Variants in SYNE2 observed in about 807,000 individuals in gnomAD.
SYNE2 encodes nesprin-2.
SYNE2 carries 431 observed loss-of-function variants against 856.3 expected under a neutral mutation model. That is an observed-to-expected ratio of 0.50 (90% confidence interval 0.47 to 0.55). The LOEUF (loss-of-function observed/expected upper bound fraction) is 0.55. Among genes scored for constraint, SYNE2 ranks in the 20% least tolerant of loss-of-function variants. The pLI, the probability that SYNE2 is intolerant of heterozygous loss-of-function variation, is 0.00. For synonymous variants in SYNE2, 2,923 were observed against 2,872.3 expected, an observed-to-expected ratio of 1.02 and a Z score of -0.56; for missense variants, 8,129 against 8,023.2, an observed-to-expected ratio of 1.01 and a Z score of -0.50.
At chr14:64,048,227 C>A (rs2097199922) in intron 46 of SYNE2, 72 bp downstream of exon 46, 2 of 1,505,352 alleles carry the variant, frequency 1.3e-6, no homozygotes, top group Non-Finnish European at 9.1e-7. Flanking sequence ...ATTTTAATTG[C>A]CAAAAACTTG....
chr14:63,968,792 G>A (rs924537744), intron 11 of SYNE2, among the ~76,000 whole-genome samples: 5 of 152,164 alleles, frequency 3.3e-5, no homozygotes, highest in Admixed American at 3.3e-4. Flanking sequence ...ACACATCTTG[G>A]AGAATGGGAT....
chr14:63,853,465 G>C (rs1327487422), intron 1 of SYNE2, among the ~76,000 whole-genome samples: 1 of 151,678 alleles, frequency 6.6e-6, no homozygotes, highest in Non-Finnish European at 1.5e-5. Flanking sequence ...GGTCCGCCCG[G>C]CTCGGGCAGG....
chr14:63,811,550 A>G (rs766019121), intron 1 of SYNE2, among the ~76,000 whole-genome samples: 5 of 152,230 alleles, frequency 3.3e-5, no homozygotes, highest in Non-Finnish European at 5.9e-5. Flanking sequence ...GGAATGAGCC[A>G]CTGCACCCAG....
Position 63,819,425 on chromosome 14 carries a change from T to C in SYNE2, c.-304-33076T>C, listed in dbSNP as rs549071025. ...TTTTGTATTTTTAGTAGAGATGGGG[T>C]TTCACCATGTTGGCTGGGCTGGTCT... On this transcript the variant is annotated intron_variant, in intron 1 of 23. Coordinates refer to the SYNE2 transcript ENST00000674003. Among the ~76,000 whole-genome samples the C allele has an allele frequency of 3.9e-5, 6 of 151,974 alleles. No homozygotes were observed. The East Asian group carries it at 7.7e-4, about 20-fold the overall frequency.
In SYNE2 at chr14:63,815,159, C is replaced by CATAT. The variant is rs200196902; in HGVS notation, c.-304-37337_-304-37334dup. On this transcript the variant is annotated intron_variant, in intron 1 of 23. Transcript: ENST00000674003. ...ATCCATATATATACACATATATATC[C>CATAT]ATATATATCCACATATATATCCATA... 2.8e-5 allele frequency among the ~76,000 whole-genome samples: 2 copies of CATAT among 70,804 alleles called. 1 individual carries two copies. The highest frequency in any genetic ancestry group is 5.1e-5 in the Non-Finnish European group (2 of 39,066). The allele number at this position is 70,804 out of a possible 152,430, so 46.5% of individuals were successfully genotyped here.
intron 8 of SYNE2, 145 bp downstream of exon 8, chr14:63,955,060 C>G (rs1280848590): frequency 1.4e-6 from 1 of 700,226 alleles, no homozygotes; most frequent in African/African-American, 1.8e-5. Context: ...GAATTTGATG[C>G]AATCAAACAA....
At chr14:63,841,546 A>G (rs970797076) in intron 1 of SYNE2, among the ~76,000 whole-genome samples, 8 of 152,162 alleles carry the variant, frequency 5.3e-5, no homozygotes, top group African/African-American at 1.4e-4. Context: ...GTAAGGTTAT[A>G]TGTAGTTTTG....
intron 1 of SYNE2, among the ~76,000 whole-genome samples, chr14:63,815,205 C>CGATATATATATGGATATATAT (rs1555341285): frequency 1.1e-5 from 1 of 94,612 alleles, no homozygotes; most frequent in African/African-American, 3.7e-5. Context: ...TATATATATC[C>CGATATATATATGGATATATAT]ATATATATAT....
intron 1 of SYNE2, among the ~76,000 whole-genome samples, chr14:63,809,224 TA>T (rs879683923): frequency 1.8e-3 from 260 of 145,546 alleles, no homozygotes; most frequent in Admixed American, 2.1e-3. Context: ...GTTCTACGTT[TA>T]AAAAAAAAAA....
At position 63,880,527 on chromosome 14, in the gene SYNE2, CTATTTT is replaced by C. The variant is rs149447102; in HGVS notation, c.-52+27398_-52+27403del. ...TTCTATGTTATATCAACTACCACAA[CTATTTT>C]TATTTTTATTTTTGTACTTTATCTT... is the stretch of plus-strand genomic sequence containing the variant. On this transcript the variant is annotated intron_variant, in intron 1 of 115. Coordinates refer to ENST00000555002, the MANE Select transcript of SYNE2 (RefSeq NM_182914.3). Among the ~76,000 whole-genome samples, 795 of 152,096 alleles carry C rather than the reference CTATTTT, an allele frequency of 5.2e-3. 3 individuals carry two copies. Among genetic ancestry groups the C allele is most frequent in the African/African-American group, 0.018 (745 of 41,512 alleles).
chr14:63,943,637 G>A (rs1158000228), intron 6 of SYNE2, among the ~76,000 whole-genome samples: 1 of 150,348 alleles, frequency 6.7e-6, no homozygotes, highest in Admixed American at 6.7e-5. Context: ...AATTGTATCT[G>A]TGTTTTATTT....
chr14:63,938,242 G>A (rs970390066), intron 2 of SYNE2, among the ~76,000 whole-genome samples: 4 of 152,082 alleles, frequency 2.6e-5, no homozygotes, highest in Non-Finnish European at 4.4e-5. Context: ...GATTGCTTGA[G>A]CCTAGGAGTT....
In SYNE2 at chr14:64,146,136, C is replaced by T. The variant is rs201334658; in HGVS notation, c.15552C>T (p.Asn5184=). The T allele has an allele frequency of 5.8e-5, 93 of 1,610,400 alleles. No homozygotes were observed. The highest frequency in any genetic ancestry group is 6.7e-5 in the Admixed American group (4 of 59,422). The change falls in exon 84 of 116, where the codon AAC becomes AAT. Residue 5184 remains asparagine (N), a synonymous_variant. Transcript: ENST00000555002. ...AAAATAAAATACAGATCTTGAACAA[C>T]TGGCTGGAAGCACAAGAAGAGAGAC... ...ESENKIQILN[N]WLEAQEERLK...
chr14:63,888,193 A>G (rs1364983404), intron 1 of SYNE2, among the ~76,000 whole-genome samples: 1 of 152,210 alleles, frequency 6.6e-6, no homozygotes, highest in Non-Finnish European at 1.5e-5. Flanking sequence ...TTGGGACAGA[A>G]TGAGGGCCCA....
upstream of SYNE2, among the ~76,000 whole-genome samples, chr14:63,850,583 CA>C (rs1595172290): frequency 9.9e-6 from 1 of 101,470 alleles, no homozygotes; most frequent in Admixed American, 1.1e-4. Context: ...ATTTGATTAT[CA>C]CTTCAAAGTA....
chr14:64,130,894 A>AAG (rs1555501698), intron 76 of SYNE2, among the ~76,000 whole-genome samples: 1 of 151,948 alleles, frequency 6.6e-6, no homozygotes, highest in African/African-American at 2.4e-5. Flanking sequence ...AAAAAAAAAA[A>AAG]AAAAAGAAGA....
chr14:64,121,611 ACT>A (rs2097899260), intron 68 of SYNE2, among the ~76,000 whole-genome samples: 1 of 152,048 alleles, frequency 6.6e-6, no homozygotes, highest in South Asian at 2.1e-4. Flanking sequence ...GTGTGCAGAA[ACT>A]CTGAGAGTTT....
rs1567508823 is a variant in SYNE2 at position 64,162,252 on chromosome 14, G to A, written c.16275G>A (p.Leu5425=). Reference sequence around the variant, plus strand: ...CTGGAAACAACCTGGCAGAGATCCTGCCCCCAGCCCTGCAGGACATAAAGG... The same window carrying A: ...CTGGAAACAACCTGGCAGAGATCCTACCCCCAGCCCTGCAGGACATAAAGG... ...SMSGNNLAEI[L]PPALQDIKEL... The change falls in exon 88 of 116, where the codon CTG becomes CTA. Residue 5425 remains leucine (L), a synonymous_variant. Coordinates refer to ENST00000555002, the MANE Select transcript of SYNE2 (RefSeq NM_182914.3). 6.2e-7 allele frequency: 1 copy of A among 1,614,174 alleles called. No homozygotes were observed. Among genetic ancestry groups the A allele is most frequent in the South Asian group, 1.1e-5 (1 of 91,074 alleles).
At chr14:64,110,585 TA>T (rs1263913141) in intron 65 of SYNE2, among the ~76,000 whole-genome samples, 12 of 88,162 alleles carry the variant, frequency 1.4e-4, no homozygotes, top group South Asian at 4.7e-4. Context: ...TAATACTTTT[TA>T]CACCCCCCCC....
Sources: allele counts gnomAD v4.1 joint callset (sites outside exome capture counted in the v4.1 genomes callset), GRCh38; gene constraint gnomAD v4.1.1; transcripts MANE v1.5; gene names NCBI Gene and HGNC (gene_info 2026-07-23, HGNC 2026-07-21).